DISC1: variants seen among roughly 807,000 people sequenced by gnomAD.
The protein encoded by DISC1 is disrupted in schizophrenia 1 protein.
In DISC1, 57 loss-of-function variants were observed where a neutral mutation model predicts 84.5. The ratio of observed to expected loss-of-function variants is 0.67; its 90% CI spans 0.55 to 0.84. The LOEUF is 0.84. Among genes scored for constraint, DISC1 ranks in the 40% least tolerant of loss-of-function variants. The pLI is 0.00. For synonymous variants in DISC1, 411 were observed against 415.2 expected, an observed-to-expected ratio of 0.99 and a Z score of 0.12; for missense variants, 1,000 against 1,057.8, an observed-to-expected ratio of 0.95 and a Z score of 0.76.
At chr1:231,655,219 C>T (rs2060955863) in intron 1 of DISC1, among the ~76,000 whole-genome samples, 1 of 152,038 alleles carries the variant, frequency 6.6e-6, no homozygotes, top group Admixed American at 6.6e-5. Flanking sequence ...TACATTGTGC[C>T]CAATATGTAA....
In DISC1 at chr1:231,759,971, A is replaced by G. The variant is rs191856351; in HGVS notation, c.1269-7169A>G. ...AAAAGCTCCCAAATAAAGGTCTTCC[A>G]TATCATCCTCTTTGTTCAAACTCAA... On this transcript the variant is annotated intron_variant, in intron 4 of 12. Transcript: ENST00000439617. Among the ~76,000 whole-genome samples, 22 of 152,336 alleles carry G rather than the reference A, an allele frequency of 1.4e-4. No individual in the cohort carries two copies. The East Asian group carries it at 2.9e-3, about 20-fold the overall frequency.
At position 231,675,686 on chromosome 1, in the gene DISC1, G is replaced by C. The variant is rs1332340365; in HGVS notation, c.68-18140G>C. ...GTGCGCCATTGCCCTTATCCCTTGGGGGCTCTCTGGATGAGGGCTTTCTCT... is the reference window on the plus strand; with the variant it reads ...GTGCGCCATTGCCCTTATCCCTTGGCGGCTCTCTGGATGAGGGCTTTCTCT... On this transcript the variant is annotated intron_variant, in intron 1 of 12. Transcript: ENST00000439617. This position sits in a 1 kb window ranked among gnomAD's most constrained non-coding sequence, Gnocchi z 4.1. Among the ~76,000 whole-genome samples, 1 of 151,970 alleles carries C rather than the reference G, an allele frequency of 6.6e-6. No homozygotes were observed. Among genetic ancestry groups the C allele is most frequent in the Non-Finnish European group, 1.5e-5 (1 of 67,972 alleles).
chr1:231,627,965 G>A (rs1369273535), intron 1 of DISC1, among the ~76,000 whole-genome samples: 2 of 152,198 alleles, frequency 1.3e-5, no homozygotes, highest in Non-Finnish European at 2.9e-5. Context: ...GACAGTACCT[G>A]CTTCATAGGG....
chr1:231,823,746 G>T (rs2081659620), intron 9 of DISC1, among the ~76,000 whole-genome samples: 1 of 152,136 alleles, frequency 6.6e-6, no homozygotes, highest in African/African-American at 2.4e-5. Flanking sequence ...TATCACCCAG[G>T]TGATAAGCAT....
At chr1:231,762,205 TTTC>T (rs1209191561) in intron 4 of DISC1, among the ~76,000 whole-genome samples, 2 of 19,362 alleles carry the variant, frequency 1.0e-4, no homozygotes, top group African/African-American at 2.2e-4. Flanking sequence ...TTTCTTTTCT[TTTC>T]TTTTCTCTTC....
At chr1:231,824,440 T>G (rs1372086308) in intron 9 of DISC1, among the ~76,000 whole-genome samples, 1 of 152,218 alleles carries the variant, frequency 6.6e-6, no homozygotes, top group Non-Finnish European at 1.5e-5. Context: ...ATCTTTGATT[T>G]GCCTTATTGA....
At chr1:231,702,686 A>C (rs2066564481) in intron 3 of DISC1, 1 of 841,600 alleles carries the variant, frequency 1.2e-6, no homozygotes, top group Non-Finnish European at 1.4e-6. Flanking sequence ...GCACCAAAAT[A>C]GAAGTTGGGC....
At chr1:231,847,015 T>C (rs911957942) in intron 9 of DISC1, among the ~76,000 whole-genome samples, 1 of 152,202 alleles carries the variant, frequency 6.6e-6, no homozygotes, top group African/African-American at 2.4e-5. Flanking sequence ...ATAAAGATCA[T>C]TGTTCTTAAA....
intron 9 of DISC1, among the ~76,000 whole-genome samples, chr1:231,900,970 G>A (rs11122367): frequency 0.072 from 10,889 of 152,262 alleles, 451 homozygotes; most frequent in East Asian, 0.19. Flanking sequence ...TGGTTGTGGG[G>A]CAGAAGTCAG....
chr1:231,774,690 C>A lies in DISC1; in HGVS notation c.1634+3620C>A, dbSNP rs181441867. ...GCCGTAACCATCAACTAGAGAAACC[C>A]GTCATCAATATTTGGGCTTTCCATT... is the stretch of plus-strand genomic sequence containing the variant. On this transcript the variant is annotated intron_variant, in intron 6 of 12. Transcript: ENST00000439617. 5 of 455,940 alleles carry A rather than the reference C, an allele frequency of 1.1e-5. No homozygotes were observed. The East Asian group carries it at 3.5e-4, about 32-fold the overall frequency. The allele number at this position is 455,940 out of a possible 1,614,324, so 28.2% of individuals were successfully genotyped here.
At chr1:232,013,738 G>A (rs577994083) in intron 11 of DISC1, among the ~76,000 whole-genome samples, 1 of 152,290 alleles carries the variant, frequency 6.6e-6, no homozygotes, top group South Asian at 2.1e-4. Flanking sequence ...CTTCTTGGAC[G>A]CTCTGCATAG....
At chr1:231,895,131 G>C (rs1040782224) in intron 9 of DISC1, among the ~76,000 whole-genome samples, 3 of 150,012 alleles carry the variant, frequency 2.0e-5, no homozygotes, top group Non-Finnish European at 4.4e-5. Flanking sequence ...TTAGAACTGA[G>C]TATTTTTTAG....
At chr1:231,857,920 T>G (rs2084379147) in intron 9 of DISC1, among the ~76,000 whole-genome samples, 1 of 152,176 alleles carries the variant, frequency 6.6e-6, no homozygotes, top group South Asian at 2.1e-4. Context: ...CACCCCACCT[T>G]GAAGTCAAAT....
intron 10 of DISC1, among the ~76,000 whole-genome samples, chr1:231,972,097 C>A (rs1662055556): frequency 6.6e-6 from 1 of 152,230 alleles, no homozygotes; most frequent in South Asian, 2.1e-4. Flanking sequence ...TCTCACTTTG[C>A]AAATGAACTG....
chr1:231,733,198 G>A (rs1473169140), intron 3 of DISC1, among the ~76,000 whole-genome samples: 1 of 133,722 alleles, frequency 7.5e-6, no homozygotes, highest in Non-Finnish European at 1.7e-5. Context: ...GCAAATTCTT[G>A]CTCAGGAAGA....
chr1:231,727,011 T>C (rs771461862), intron 3 of DISC1, among the ~76,000 whole-genome samples: 1 of 152,168 alleles, frequency 6.6e-6, no homozygotes, highest in Non-Finnish European at 1.5e-5. Context: ...AAGGCTGGCA[T>C]AGTAATGCAG....
chr1:231,850,100 T>C (rs2083783550), intron 9 of DISC1, among the ~76,000 whole-genome samples: 2 of 152,204 alleles, frequency 1.3e-5, no homozygotes, highest in African/African-American at 4.8e-5. Context: ...TAAATGCCTG[T>C]GGGAGGGCTG....
At chr1:231,875,224 T>C (rs1413828264) in intron 9 of DISC1, among the ~76,000 whole-genome samples, 1 of 152,108 alleles carries the variant, frequency 6.6e-6, no homozygotes, top group African/African-American at 2.4e-5. Context: ...CTATGGTCAG[T>C]GATGGGGAGA....
At chr1:231,820,269 A>G (rs1574073044) in intron 9 of DISC1, among the ~76,000 whole-genome samples, 1 of 152,170 alleles carries the variant, frequency 6.6e-6, no homozygotes, top group Non-Finnish European at 1.5e-5. Context: ...TCCTGAATAC[A>G]TTGAAGCTTT....
Sources: allele counts gnomAD v4.1 joint callset (sites outside exome capture counted in the v4.1 genomes callset), GRCh38; gene constraint gnomAD v4.1.1; non-coding constraint Gnocchi (gnomAD v3.1); transcripts MANE v1.5; gene names NCBI Gene and HGNC (gene_info 2026-07-23, HGNC 2026-07-21).